Variants in SGMS1 observed in about 807,000 individuals in gnomAD.
SGMS1 encodes sphingomyelin synthase 1.
A neutral mutation model predicts 46.2 loss-of-function variants in SGMS1; 13 were observed. That is an observed-to-expected ratio of 0.28 (90% CI 0.18 to 0.45). The LOEUF (loss-of-function observed/expected upper bound fraction) is 0.45. SGMS1 is among the 20% of genes least tolerant of loss of function. The pLI, the probability that SGMS1 is intolerant of heterozygous loss-of-function variation, is 1.00. For missense variants in SGMS1, 324 were observed against 519.9 expected (o/e 0.62, Z 3.66); for synonymous variants, 203 against 187.8 (o/e 1.08, Z -0.66).
intron 2 of SGMS1, among the ~76,000 whole-genome samples, chr10:50,560,381 C>T (rs1163415223): frequency 7.4e-6 from 1 of 134,558 alleles, no homozygotes; most frequent in Non-Finnish European, 1.5e-5. Flanking sequence ...ATATTATATG[C>T]ATATAATATA....
At chr10:50,625,154 G>T (rs1838911333), upstream of SGMS1, 5 of 760,818 alleles carry the variant, frequency 6.6e-6, no homozygotes, top group South Asian at 1.8e-4. Context: ...GCCCGGGCCA[G>T]AAGCAAACTG....
intron 1 of SGMS1, among the ~76,000 whole-genome samples, chr10:50,622,046 G>C (rs956556933): frequency 6.6e-6 from 1 of 152,248 alleles, no homozygotes; most frequent in Non-Finnish European, 1.5e-5. Flanking sequence ...AGCACCTGGA[G>C]GTTCCCCCAA....
chr10:50,560,541 A>G (rs892991427), intron 2 of SGMS1, among the ~76,000 whole-genome samples: 8 of 144,898 alleles, frequency 5.5e-5, no homozygotes, highest in African/African-American at 1.5e-4. Flanking sequence ...AATACATAAT[A>G]TTTATGTGTA....
intron 5 of SGMS1, among the ~76,000 whole-genome samples, chr10:50,441,420 G>A (rs1182732394): frequency 2.0e-5 from 3 of 152,170 alleles, no homozygotes; most frequent in Non-Finnish European, 4.4e-5. Flanking sequence ...GAAAAAAAAG[G>A]TGTCATTCAA....
At chr10:50,483,805 A>G (rs1437239321) in intron 3 of SGMS1, among the ~76,000 whole-genome samples, 1 of 152,234 alleles carries the variant, frequency 6.6e-6, no homozygotes, top group Non-Finnish European at 1.5e-5. Flanking sequence ...TGAGTAAATA[A>G]TGAAATCAAG....
Position 50,305,753 on chromosome 10 carries a change from T to C in SGMS1, c.*1389A>G, listed in dbSNP as rs2133263351. 6.5e-6 allele frequency: 1 copy of C among 152,876 alleles called. No individual in the cohort carries two copies. Among genetic ancestry groups the C allele is most frequent in the Middle Eastern group, 3.4e-3 (1 of 294 alleles). The allele number at this position is 152,876 out of a possible 1,614,324, so 9.5% of individuals were successfully genotyped here. On this transcript the variant is annotated 3_prime_UTR_variant, in exon 11 of 11. Transcript: ENST00000361781. The stretch of plus-strand genomic sequence containing the variant: ...AAAGCCTTTTTATTTCCTTCACCAT[T>C]ATTGTTTTACAATACAAATATCACC...
chr10:50,611,023 A>T (rs555344241), intron 1 of SGMS1, among the ~76,000 whole-genome samples: 1 of 152,294 alleles, frequency 6.6e-6, no homozygotes, highest in East Asian at 1.9e-4. Context: ...GGGGAATAAT[A>T]GGGACAGGCT....
chr10:50,316,454 T>A (rs147766311), intron 8 of SGMS1, among the ~76,000 whole-genome samples: 11 of 152,314 alleles, frequency 7.2e-5, no homozygotes, highest in African/African-American at 2.6e-4. Context: ...TTTACAAAAC[T>A]ATATGCTGCC....
In SGMS1 at chr10:50,307,055, T is replaced by C. The variant is rs543099665; in HGVS notation, c.*87A>G. Reference sequence around the variant, plus strand: ...AGGTAACCATTGAAAGATAATAGGATTAGGGAGGTGTTTATTTTATGGCAT... The same window carrying C: ...AGGTAACCATTGAAAGATAATAGGACTAGGGAGGTGTTTATTTTATGGCAT... On this transcript the variant is annotated 3_prime_UTR_variant, in exon 11 of 11. Coordinates refer to ENST00000361781, the MANE Select transcript of SGMS1 (RefSeq NM_147156.4). This position sits in a 1 kb window ranked among gnomAD's most constrained non-coding sequence, Gnocchi z 4.2. The C allele has an allele frequency of 1.1e-5, 14 of 1,276,620 alleles. No homozygotes were observed. The highest frequency in any genetic ancestry group is 1.5e-5 in the Non-Finnish European group (14 of 914,102). The allele number at this position is 1,276,620 out of a possible 1,614,324, so 79.1% of individuals were successfully genotyped here. A position where few individuals can be genotyped will look rare whatever the true frequency, so the allele number is the denominator to read the frequency against.
At chr10:50,572,267 A>C (rs1838342771) in intron 2 of SGMS1, among the ~76,000 whole-genome samples, 1 of 152,172 alleles carries the variant, frequency 6.6e-6, no homozygotes, top group Admixed American at 6.5e-5. Flanking sequence ...AGGTAACCCA[A>C]ACACCACAGG....
At chr10:50,371,958 C>T (rs1848441483) in intron 6 of SGMS1, among the ~76,000 whole-genome samples, 2 of 152,168 alleles carry the variant, frequency 1.3e-5, no homozygotes, top group South Asian at 4.1e-4. Flanking sequence ...AAAGGTCACA[C>T]CTCAGAACAC....
intron 6 of SGMS1, among the ~76,000 whole-genome samples, chr10:50,429,132 C>T (rs973792776): frequency 3.3e-5 from 5 of 152,002 alleles, no homozygotes; most frequent in East Asian, 3.8e-4. Flanking sequence ...ATCATTAAGT[C>T]GAATCATTGT....
intron 3 of SGMS1, among the ~76,000 whole-genome samples, chr10:50,476,970 G>T (rs926753562): frequency 1.3e-5 from 2 of 152,240 alleles, no homozygotes; most frequent in African/African-American, 4.8e-5. Flanking sequence ...GTAGTGCAGA[G>T]GGGAAATGTA....
At chr10:50,508,088 T>C (rs1244224380) in intron 3 of SGMS1, among the ~76,000 whole-genome samples, 2 of 152,212 alleles carry the variant, frequency 1.3e-5, no homozygotes, top group East Asian at 3.8e-4. Context: ...TCAAGCAATG[T>C]ATGGGCTCCC....
At chr10:50,429,674 C>T (rs1172497595) in intron 6 of SGMS1, among the ~76,000 whole-genome samples, 5 of 150,506 alleles carry the variant, frequency 3.3e-5, no homozygotes, top group Non-Finnish European at 7.4e-5. Flanking sequence ...AACCTCTACT[C>T]TTATAGTTTT....
intron 6 of SGMS1, among the ~76,000 whole-genome samples, chr10:50,368,348 T>C (rs1329609027): frequency 6.6e-6 from 1 of 152,120 alleles, no homozygotes; most frequent in Non-Finnish European, 1.5e-5. Flanking sequence ...TTATACTAAT[T>C]TTTTTATTTT....
At chr10:50,473,266 C>A (rs11005832) in intron 3 of SGMS1, among the ~76,000 whole-genome samples, 5,242 of 152,212 alleles carry the variant, frequency 0.034, 308 homozygotes, top group African/African-American at 0.12. Flanking sequence ...TGGGTTATGT[C>A]ATATCTCAAA....
intron 1 of SGMS1, among the ~76,000 whole-genome samples, chr10:50,599,025 G>C (rs1350243656): frequency 6.6e-6 from 1 of 152,168 alleles, no homozygotes; most frequent in Non-Finnish European, 1.5e-5. Context: ...GCAGAGAAAA[G>C]ATAAGAGACC....
At chr10:50,568,005 G>A (rs941369337) in intron 2 of SGMS1, among the ~76,000 whole-genome samples, 4 of 152,100 alleles carry the variant, frequency 2.6e-5, no homozygotes, top group African/African-American at 9.7e-5. Flanking sequence ...TAAGGTTTGG[G>A]GGAGGGGGTT....
Sources: gnomAD v4.1 joint callset for allele counts (sites outside exome capture counted in the v4.1 genomes callset) on GRCh38, gnomAD v4.1.1 for gene constraint, Gnocchi (gnomAD v3.1) non-coding constraint, MANE v1.5 for transcripts, NCBI Gene and HGNC (gene_info 2026-07-23, HGNC 2026-07-21) for gene names.